Variants in TBC1D9 observed in about 807,000 individuals in gnomAD.
The protein encoded by TBC1D9 is TBC1 domain family member 9A.
A neutral mutation model predicts 132.0 loss-of-function variants in TBC1D9; 63 were observed. The observed-to-expected ratio is 0.48, with a 90% confidence interval of 0.39 to 0.59. The LOEUF is 0.59. TBC1D9 is among the 20% of genes least tolerant of loss of function. TBC1D9 has a pLI of 0.00. For synonymous variants in TBC1D9, 610 were observed against 609.9 expected (o/e 1.00, Z 0.00); for missense variants, 1,261 against 1,592.7 (o/e 0.79, Z 3.54).
intron 1 of TBC1D9, among the ~76,000 whole-genome samples, chr4:140,725,222 A>T (rs934757085): frequency 3.3e-5 from 5 of 152,264 alleles, no homozygotes; most frequent in East Asian, 3.8e-4. Flanking sequence ...CAATCATAAA[A>T]AATAAAAAGC....
intron 13 of TBC1D9, among the ~76,000 whole-genome samples, chr4:140,650,263 AATATTG>A (rs1737168600): frequency 6.6e-6 from 1 of 152,254 alleles, no homozygotes; most frequent in Non-Finnish European, 1.5e-5. Flanking sequence ...GTCCATGATG[AATATTG>A]TTTGGCCCAG....
chr4:140,702,714 A>G (rs1183358761), intron 1 of TBC1D9, among the ~76,000 whole-genome samples: 2 of 152,214 alleles, frequency 1.3e-5, no homozygotes, highest in African/African-American at 4.8e-5. Flanking sequence ...CATTTTCTAC[A>G]GTATTTTAAA....
chr4:140,674,842 G>A (rs2111013788), intron 6 of TBC1D9, among the ~76,000 whole-genome samples: 1 of 151,974 alleles, frequency 6.6e-6, no homozygotes, highest in East Asian at 1.9e-4. Flanking sequence ...AGGACTACAG[G>A]AGCACATCAC....
intron 13 of TBC1D9, among the ~76,000 whole-genome samples, chr4:140,647,167 C>A (rs966140629): frequency 6.6e-6 from 1 of 152,130 alleles, no homozygotes; most frequent in Admixed American, 6.5e-5. Context: ...TTTATTGTAC[C>A]TACAATTGTT....
intron 16 of TBC1D9, among the ~76,000 whole-genome samples, chr4:140,630,204 CA>C (rs2110967221): frequency 6.6e-6 from 1 of 152,190 alleles, no homozygotes; most frequent in South Asian, 2.1e-4. Context: ...AGTGAAACAG[CA>C]AAAGAACCAA....
chr4:140,716,002 CA>C (rs1230471253), intron 1 of TBC1D9: 1 of 152,182 alleles, frequency 6.6e-6, no homozygotes, highest in African/African-American at 2.4e-5. Context: ...TTTGACTGTG[CA>C]AAACCATGGG....
intron 13 of TBC1D9, among the ~76,000 whole-genome samples, chr4:140,641,089 G>GAAAAAAAA (rs1560869533): frequency 1.3e-4 from 2 of 15,150 alleles, no homozygotes; most frequent in African/African-American, 1.0e-3. Flanking sequence ...ATAATACTAA[G>GAAAAAAAA]CAAAAAAAAA....
intron 13 of TBC1D9, chr4:140,643,705 C>T: frequency 2.5e-6 from 3 of 1,196,966 alleles, no homozygotes; most frequent in African/African-American, 1.5e-5. Flanking sequence ...AGGTCCAATG[C>T]GGCCGTGCAG....
At chr4:140,700,522 TA>T (rs997718510) in intron 2 of TBC1D9, among the ~76,000 whole-genome samples, 1 of 151,794 alleles carries the variant, frequency 6.6e-6, no homozygotes, top group South Asian at 2.1e-4. Context: ...AAAGCAAGAT[TA>T]AAAAAAATTT....
intron 18 of TBC1D9, among the ~76,000 whole-genome samples, chr4:140,625,657 A>C (rs755759452): frequency 2.7e-4 from 41 of 152,250 alleles, no homozygotes; most frequent in Non-Finnish European, 5.1e-4. Context: ...TTTTTAAAAA[A>C]TATTTAATGT....
At position 140,622,917 on chromosome 4, in the gene TBC1D9, C is replaced by T; in HGVS notation, c.3079G>A (p.Gly1027Arg). Residue 1027 changes from glycine to arginine, a missense_variant and splice_region_variant, in exon 21 of 21, where the codon GGG becomes AGG. Gly to Arg is a moderately radical substitution (Grantham distance 125). Coordinates refer to ENST00000442267, the MANE Select transcript of TBC1D9 (RefSeq NM_015130.3). ...NAKDLPKLNQ[G>R]QFIELCKTMY... is the part of the protein sequence containing the mutation. Reference sequence around the variant, plus strand: ...GTCTTACACAGTTCAATGAACTGCCCCTGAAAAGCGATTTGGAAAAACACA... The same window carrying T: ...GTCTTACACAGTTCAATGAACTGCCTCTGAAAAGCGATTTGGAAAAACACA... 1 of 1,516,720 alleles carries T rather than the reference C, an allele frequency of 6.6e-7. No individual in the cohort carries two copies. The highest frequency in any genetic ancestry group is 8.8e-7 in the Non-Finnish European group (1 of 1,132,780). 94.0% of individuals were successfully genotyped at this position (1,516,720 alleles called of 1,614,324 possible). A position where few individuals can be genotyped will look rare whatever the true frequency, so the allele number is the denominator to read the frequency against.
At chr4:140,714,317 T>C (rs1738296608) in intron 1 of TBC1D9, among the ~76,000 whole-genome samples, 1 of 152,228 alleles carries the variant, frequency 6.6e-6, no homozygotes, top group Non-Finnish European at 1.5e-5. Context: ...CTTGGTTTTA[T>C]ATGTTTTACA....
rs141435836 is a variant in TBC1D9, at chr4:140,714,036, A to G, written c.131-12422T>C. Among the ~76,000 whole-genome samples, 258 of 152,334 alleles carry G rather than the reference A, an allele frequency of 1.7e-3. 2 individuals are homozygous for G. Among genetic ancestry groups the G allele is most frequent in the African/African-American group, 4.9e-3 (204 of 41,588 alleles). ...CAGAATCGGTAACCCTTGGCATAAT[A>G]TTAGCCTGGGGGGCTGAAGAGGTGA... On this transcript the variant is annotated intron_variant, in intron 1 of 20. Coordinates refer to ENST00000442267, the MANE Select transcript of TBC1D9 (RefSeq NM_015130.3).
At chr4:140,652,142 G>A (rs1341594256) in intron 13 of TBC1D9, among the ~76,000 whole-genome samples, 1 of 151,726 alleles carries the variant, frequency 6.6e-6, no homozygotes, top group East Asian at 1.9e-4. Context: ...TTGGGAGGCT[G>A]AGACATGAGA....
chr4:140,650,292 A>G lies in TBC1D9; in HGVS notation c.2337+6805T>C, dbSNP rs573835080. Among the ~76,000 whole-genome samples the G allele has an allele frequency of 3.9e-5, 6 of 152,362 alleles. No individual in the cohort carries two copies. In the East Asian group the frequency reaches 1.2e-3, roughly 29 times the overall value. ...TTGTTTGGCCCAGGGAGTATTATAA[A>G]AAACAGTAATCTTCAAATAAAACAA... On this transcript the variant is annotated intron_variant, in intron 13 of 20. Transcript: ENST00000442267.
chr4:140,725,824 G>A (rs1201581983), intron 1 of TBC1D9, among the ~76,000 whole-genome samples: 1 of 152,098 alleles, frequency 6.6e-6, no homozygotes, highest in Non-Finnish European at 1.5e-5. Context: ...ATTGTAATTT[G>A]CTTGTACATG....
intron 13 of TBC1D9, among the ~76,000 whole-genome samples, chr4:140,640,862 AC>A (rs1008646356): frequency 7.2e-6 from 1 of 138,096 alleles, no homozygotes; most frequent in Non-Finnish European, 1.5e-5. Flanking sequence ...TAAGTATATA[AC>A]CCCCCCAAGA....
intron 3 of TBC1D9, among the ~76,000 whole-genome samples, chr4:140,684,575 CTTTG>C (rs1560884920): frequency 6.6e-6 from 1 of 151,878 alleles, no homozygotes; most frequent in Non-Finnish European, 1.5e-5. Flanking sequence ...CATAATTGGT[CTTTG>C]TTTGTTTTAC....
intron 11 of TBC1D9, among the ~76,000 whole-genome samples, chr4:140,658,143 G>A (rs1420804027): frequency 6.6e-6 from 1 of 152,194 alleles, no homozygotes; most frequent in Admixed American, 6.5e-5. Context: ...GTTTGGTTTG[G>A]TATGAGATGT....
Sources: allele counts gnomAD v4.1 joint callset (sites outside exome capture counted in the v4.1 genomes callset), GRCh38; gene constraint gnomAD v4.1.1; transcripts MANE v1.5; gene names NCBI Gene and HGNC (gene_info 2026-07-23, HGNC 2026-07-21).